WDR41: variants seen among roughly 807,000 people sequenced by gnomAD.
WDR41 encodes WD repeat domain 41.
WDR41 carries 63 observed loss-of-function variants against 69.3 expected under a neutral mutation model. That is an observed-to-expected ratio of 0.91 (90% CI 0.74 to 1.12). The LOEUF (loss-of-function observed/expected upper bound fraction) is 1.12. Among genes scored for constraint, WDR41 ranks in the 50% most tolerant of loss-of-function variants. WDR41 has a pLI of 0.00. For missense variants in WDR41, 543 were observed against 534.5 expected, an observed-to-expected ratio of 1.02 and a Z score of -0.16; for synonymous variants, 185 against 192.1, an observed-to-expected ratio of 0.96 and a Z score of 0.31.
At chr5:77,591,841 C>T (rs1744142994) in intron 1 of WDR41, among the ~76,000 whole-genome samples, 1 of 152,026 alleles carries the variant, frequency 6.6e-6, no homozygotes, top group South Asian at 2.1e-4. Context: ...GTTCCATATG[C>T]ACTTAAAAGA....
At chr5:77,464,190 T>C (rs1561745607) in intron 3 of WDR41, among the ~76,000 whole-genome samples, 1 of 152,042 alleles carries the variant, frequency 6.6e-6, no homozygotes, top group Non-Finnish European at 1.5e-5. Flanking sequence ...GCATAGCTAG[T>C]GATAACCTAA....
intron 1 of WDR41, among the ~76,000 whole-genome samples, chr5:77,594,646 A>C (rs1403121555): frequency 6.6e-6 from 1 of 152,190 alleles, no homozygotes; most frequent in Non-Finnish European, 1.5e-5. Context: ...ATGATTTTAG[A>C]TCAACAGGCT....
At chr5:77,474,083 C>T (rs1800766264) in intron 2 of WDR41, among the ~76,000 whole-genome samples, 1 of 152,148 alleles carries the variant, frequency 6.6e-6, no homozygotes, top group South Asian at 2.1e-4. Context: ...GGCACATATA[C>T]ACCATGGAAT....
Position 77,569,954 on chromosome 5 carries a change from C to G in WDR41, c.42+50525G>C, listed in dbSNP as rs1055441281. ...CACAGTACAGTATAAGCTCAGCATA[C>G]AAGCACATCCAGCAGATCCTGGGAA... On this transcript the variant is annotated intron_variant, in intron 1 of 5. Transcript: ENST00000509971. 9.2e-5 allele frequency among the ~76,000 whole-genome samples: 14 copies of G among 152,284 alleles called. No individual in the cohort carries two copies. The East Asian group carries it at 2.5e-3, about 27-fold the overall frequency.
At chr5:77,536,414 G>T (rs1742982461) in intron 1 of WDR41, among the ~76,000 whole-genome samples, 1 of 151,278 alleles carries the variant, frequency 6.6e-6, no homozygotes, top group Admixed American at 6.6e-5. Flanking sequence ...TAAAAAAAAA[G>T]TAATGAAAAT....
chr5:77,490,433 T>C (rs899646912), intron 1 of WDR41, among the ~76,000 whole-genome samples: 1 of 152,174 alleles, frequency 6.6e-6, no homozygotes, highest in Non-Finnish European at 1.5e-5. Context: ...ATCACCCCAG[T>C]TGAGAACCAC....
chr5:77,575,790 G>A (rs1743820239), intron 1 of WDR41, among the ~76,000 whole-genome samples: 2 of 152,064 alleles, frequency 1.3e-5, no homozygotes. Context: ...TGAAGACTGA[G>A]ACTTTCCTCA....
chr5:77,508,819 T>C (rs1417834798), intron 1 of WDR41, among the ~76,000 whole-genome samples: 1 of 151,506 alleles, frequency 6.6e-6, no homozygotes. Flanking sequence ...GCGTGAAGCT[T>C]CTGTACTCAT....
intron 9 of WDR41, 49 bp downstream of exon 9, chr5:77,440,764 G>C: frequency 6.4e-7 from 1 of 1,562,710 alleles, no homozygotes; most frequent in Non-Finnish European, 8.8e-7. Flanking sequence ...TCAGAAATTG[G>C]GTTATATATG....
At chr5:77,542,918 C>T (rs2112227413) in intron 1 of WDR41, among the ~76,000 whole-genome samples, 1 of 152,258 alleles carries the variant, frequency 6.6e-6, no homozygotes, top group East Asian at 1.9e-4. Flanking sequence ...ACTCAGGAGA[C>T]ACCCCAAATA....
At chr5:77,440,725 A>T in intron 9 of WDR41, 88 bp downstream of exon 9, 2 of 1,279,170 alleles carry the variant, frequency 1.6e-6, no homozygotes, top group Admixed American at 4.4e-5. Context: ...TACCTTTTTT[A>T]TGTCCAACAT....
intron 1 of WDR41, chr5:77,491,837 T>TCGGTAGCCAGAAGCCC: frequency 2.8e-6 from 1 of 351,844 alleles, no homozygotes; most frequent in East Asian, 4.6e-5. Context: ...GAAGATAGTT[T>TCGGTAGCCAGAAGCCC]CGGTAGCCAG....
intron 6 of WDR41, chr5:77,451,923 T>A (rs1561737038): frequency 6.6e-6 from 1 of 152,300 alleles, no homozygotes; most frequent in East Asian, 1.9e-4. Context: ...GGTTAATGAT[T>A]TTAGCGTAAC....
intron 2 of WDR41, among the ~76,000 whole-genome samples, chr5:77,468,497 T>C (rs980902029): frequency 2.0e-5 from 3 of 152,162 alleles, no homozygotes; most frequent in African/African-American, 4.8e-5. Context: ...CAAAGCTTAA[T>C]AAAGATTTGT....
At chr5:77,520,655 T>G (rs1215629363) in intron 1 of WDR41, among the ~76,000 whole-genome samples, 1 of 152,166 alleles carries the variant, frequency 6.6e-6, no homozygotes, top group East Asian at 1.9e-4. Flanking sequence ...TCATCCACCC[T>G]GAAAATGAAC....
chr5:77,452,609 T>TAAC (rs1420681981), intron 6 of WDR41: 1 of 152,210 alleles, frequency 6.6e-6, no homozygotes, highest in East Asian at 1.9e-4. Context: ...CTAATAACAC[T>TAAC]ATTAACAATC....
At chr5:77,597,703 T>C (rs1344502631) in intron 1 of WDR41, among the ~76,000 whole-genome samples, 1 of 152,234 alleles carries the variant, frequency 6.6e-6, no homozygotes, top group Non-Finnish European at 1.5e-5. Context: ...ACCTGACTCA[T>C]ATATAGGCAC....
chr5:77,583,544 A>T (rs1395434778), intron 1 of WDR41, among the ~76,000 whole-genome samples: 1 of 151,978 alleles, frequency 6.6e-6, no homozygotes. Flanking sequence ...ACCCACGTAT[A>T]CGTTTCATGT....
rs749828626 is a variant in WDR41 at position 77,440,792 on chromosome 5, G to A, written c.882+21C>T. ...TATATATGTCAAAGGCAAGTTTATA[G>A]ATAGTGTATACATTTTTTACCTCTT... On this transcript the variant is annotated intron_variant, in intron 9 of 12. Transcript: ENST00000296679. The A allele has an allele frequency of 7.4e-6, 12 of 1,611,166 alleles. No individual in the cohort carries two copies. The Admixed American group carries it at 1.8e-4, about 25-fold the overall frequency.
Sources: gnomAD v4.1 joint callset for allele counts (sites outside exome capture counted in the v4.1 genomes callset) on GRCh38, gnomAD v4.1.1 for gene constraint, MANE v1.5 for transcripts, NCBI Gene and HGNC (gene_info 2026-07-23, HGNC 2026-07-21) for gene names.